CCDC112: variants seen among roughly 807,000 people sequenced by gnomAD.
CCDC112 encodes the protein coiled-coil domain containing 112, also known as coiled-coil domain-containing protein 112.
A neutral mutation model predicts 66.3 loss-of-function variants in CCDC112; 40 were observed. The observed-to-expected ratio is 0.60, with a 90% confidence interval of 0.47 to 0.79. The LOEUF is 0.79. Ranked by LOEUF, CCDC112 falls within the 30% of genes least tolerant of loss-of-function variation. The pLI is 0.00. For synonymous variants in CCDC112, 214 were observed against 197.2 expected (o/e 1.09, Z -0.71); for missense variants, 659 against 603.8 (o/e 1.09, Z -0.96).
intron 2 of CCDC112, among the ~76,000 whole-genome samples, chr5:115,281,886 A>G (rs7734074): frequency 0.33 from 49,544 of 152,070 alleles, 8,503 homozygotes; most frequent in Middle Eastern, 0.53. Context: ...TGTGAGGAAA[A>G]CATGTCTTCT....
intron 8 of CCDC112, 45 bp from the exon 9 acceptor site, chr5:115,269,045 G>T (rs1748893166): frequency 9.1e-7 from 1 of 1,101,696 alleles, no homozygotes; most frequent in Non-Finnish European, 1.3e-6. Flanking sequence ...TACAAACTCA[G>T]TTTGTACTAG....
At chr5:115,270,875 A>AT (rs773732797) in intron 7 of CCDC112, among the ~76,000 whole-genome samples, 49 of 151,924 alleles carry the variant, frequency 3.2e-4, no homozygotes, top group Non-Finnish European at 6.6e-4. Flanking sequence ...GAAGGACCTC[A>AT]TTTTTCCTTC....
At chr5:115,284,084 A>G (rs907712364) in intron 2 of CCDC112, among the ~76,000 whole-genome samples, 4 of 152,044 alleles carry the variant, frequency 2.6e-5, no homozygotes, top group African/African-American at 9.7e-5. Context: ...CAAGGAATTG[A>G]GATCAATTAA....
At chr5:115,276,207 A>G in intron 4 of CCDC112, 138 bp from the exon 5 acceptor site, 1 of 612,486 alleles carries the variant, frequency 1.6e-6, no homozygotes, top group Non-Finnish European at 2.8e-6. Context: ...TGTGCTCAAA[A>G]GTGAATTTTT....
In CCDC112 at chr5:115,268,907, CAG is replaced by C. The variant is rs1213729390; in HGVS notation, c.1520_1521del (p.Ser507TrpfsTer9). 3.1e-6 allele frequency: 5 copies of C among 1,603,430 alleles called. No homozygotes were observed. The highest frequency in any genetic ancestry group is 4.3e-6 in the Non-Finnish European group (5 of 1,175,070). ...CTATGTGGGATATGTAGAAGTGGCCCAGAGCCTGTTGGTCCTATCTTTTTGGT... is the reference window on the plus strand; with the variant it reads ...CTATGTGGGATATGTAGAAGTGGCCCAGCCTGTTGGTCCTATCTTTTTGGT... ...ERTKKIGPTG[S>X]GPLLHIPHRA... is the part of the protein sequence containing the mutation. On this transcript the variant is annotated frameshift_variant, in exon 9 of 10. Transcript: ENST00000379611. LOFTEE classifies it high-confidence loss of function.
In CCDC112 at chr5:115,267,849, TATC is replaced by T; in HGVS notation, c.*24_*26del. ...GTATAACTTAGTATGTTAACATTCT[TATC>T]AACTGAGTAGCAATTTGATTATCTC... On this transcript the variant is annotated 3_prime_UTR_variant, in exon 10 of 10. Transcript: ENST00000379611. 1 of 1,583,652 alleles carries T rather than the reference TATC, an allele frequency of 6.3e-7. No individual in the cohort carries two copies. Among genetic ancestry groups the T allele is most frequent in the South Asian group, 1.1e-5 (1 of 90,446 alleles).
Position 115,296,467 on chromosome 5 carries a change from G to T in CCDC112, c.77C>A (p.Ala26Asp). Residue 26 changes from alanine (A) to aspartate (D), a missense_variant, in exon 1 of 10, where the codon GCC (alanine) becomes GAC (aspartate). Physicochemically the swap from Ala to Asp is moderately radical, Grantham distance 126. Coordinates refer to ENST00000379611, the MANE Select transcript of CCDC112 (RefSeq NM_001040440.3). ...CGTCGCTCCCACGCCGGTCCCGGTG[G>T]CCGCGCCCGCCCCTGCCACAGCCCC... ...VAGAVAGAGAATGTGVGATPA... is the reference protein window; with the variant it reads ...VAGAVAGAGADTGTGVGATPA... 6.4e-7 allele frequency: 1 copy of T among 1,550,834 alleles called. No homozygotes were observed.
At position 115,277,071 on chromosome 5, in the gene CCDC112, T is replaced by C. The variant is rs183051493; in HGVS notation, c.362-17A>G. 456 of 1,429,568 alleles carry C rather than the reference T, an allele frequency of 3.2e-4. No individual in the cohort carries two copies. The African/African-American group carries it at 6.0e-3, about 19-fold the overall frequency. 88.6% of individuals were successfully genotyped at this position (1,429,568 alleles called of 1,614,324 possible). A position where few individuals can be genotyped will look rare whatever the true frequency, so the allele number is the denominator to read the frequency against. Reference sequence around the variant, plus strand: ...TTTTTGCTCCTATAAGAAAGAAGTATGCACTTTAAAATAATTCTGTGACAA... The same window carrying C: ...TTTTTGCTCCTATAAGAAAGAAGTACGCACTTTAAAATAATTCTGTGACAA... On this transcript the variant is annotated splice_polypyrimidine_tract_variant and intron_variant, in intron 3 of 9. Transcript: ENST00000379611.
At chr5:115,268,712 T>C (rs1046290901) in intron 9 of CCDC112, among the ~76,000 whole-genome samples, 170 bp downstream of exon 9, 2 of 148,094 alleles carry the variant, frequency 1.4e-5, no homozygotes, top group Non-Finnish European at 3.0e-5. Context: ...AAATATGTTA[T>C]ATATTTATAT....
At position 115,268,898 on chromosome 5, in the gene CCDC112, G is replaced by T. The variant is rs143803253; in HGVS notation, c.1531C>A (p.Leu511Ile). The change falls in exon 9 of 10, where the codon CTA (leucine) becomes ATA (isoleucine). Residue 511 changes from leucine to isoleucine, a missense_variant. Transcript: ENST00000379611. ...KIGPTGSGPLLHIPHRAIPTW... is the reference protein window; with the variant it reads ...KIGPTGSGPLIHIPHRAIPTW... The stretch of plus-strand genomic sequence containing the variant: ...CTTTCTTACCTATGTGGGATATGTA[G>T]AAGTGGCCCAGAGCCTGTTGGTCCT... The T allele has an allele frequency of 6.3e-7, 1 of 1,594,008 alleles. No homozygotes were observed. The highest frequency in any genetic ancestry group is 2.3e-5 in the East Asian group (1 of 43,208).
intron 2 of CCDC112, chr5:115,280,503 T>C (rs538636654): frequency 1.3e-5 from 2 of 152,148 alleles, no homozygotes; most frequent in East Asian, 3.9e-4. Context: ...AAAAATAAAA[T>C]AAAACACTAC....
chr5:115,284,720 T>A, intron 2 of CCDC112, 67 bp downstream of exon 2: 2 of 1,309,412 alleles, frequency 1.5e-6, no homozygotes, highest in South Asian at 2.6e-5. Context: ...TAGAGTAGAA[T>A]TAATTTTTTA....
intron 2 of CCDC112, 104 bp from the exon 3 acceptor site, chr5:115,279,872 C>T: frequency 1.5e-6 from 1 of 655,836 alleles, no homozygotes; most frequent in South Asian, 2.3e-5. Flanking sequence ...TGGATTAATT[C>T]ATCTATGGAA....
intron 8 of CCDC112, 168 bp downstream of exon 8, chr5:115,269,535 T>C (rs1748910774): frequency 1.9e-6 from 1 of 535,708 alleles, no homozygotes; most frequent in Admixed American, 3.7e-5. Context: ...AAATAATGGT[T>C]GCTTAAATTG....
At chr5:115,287,016 T>A (rs1368508186) in intron 1 of CCDC112, among the ~76,000 whole-genome samples, 1 of 152,198 alleles carries the variant, frequency 6.6e-6, no homozygotes, top group Non-Finnish European at 1.5e-5. Context: ...GACTTGTAAA[T>A]ATATCCCCCC....
In CCDC112 at chr5:115,278,759, T is replaced by C. The variant is rs190119170; in HGVS notation, c.361+888A>G. ...CAAAGAATCACTTTTTAAAGTAGTGTAATCTTTTCTTTTAAAAAATAGTGC... is the reference window on the plus strand; with the variant it reads ...CAAAGAATCACTTTTTAAAGTAGTGCAATCTTTTCTTTTAAAAAATAGTGC... On this transcript the variant is annotated intron_variant, in intron 3 of 9. Transcript: ENST00000379611. 5.9e-5 allele frequency among the ~76,000 whole-genome samples: 9 copies of C among 152,284 alleles called. No individual in the cohort carries two copies. The East Asian group carries it at 1.7e-3, about 29-fold the overall frequency.
chr5:115,270,136 T>C (rs1193003300), intron 7 of CCDC112, among the ~76,000 whole-genome samples: 2 of 152,168 alleles, frequency 1.3e-5, no homozygotes, highest in African/African-American at 2.4e-5. Context: ...TTGTGGGTTT[T>C]ATTTTTTTCT....
chr5:115,287,053 T>C (rs1365178403), intron 1 of CCDC112, among the ~76,000 whole-genome samples: 1 of 152,208 alleles, frequency 6.6e-6, no homozygotes, highest in Non-Finnish European at 1.5e-5. Flanking sequence ...TTTCACTTTC[T>C]TGATAATGCC....
chr5:115,271,561 C>T lies in CCDC112; in HGVS notation c.984G>A (p.Lys328=). 6.3e-7 allele frequency: 1 copy of T among 1,577,978 alleles called. No individual in the cohort carries two copies. Among genetic ancestry groups the T allele is most frequent in the Non-Finnish European group, 8.6e-7 (1 of 1,168,420 alleles). The change falls in exon 7 of 10, where the codon AAG becomes AAA. Residue 328 remains lysine, a synonymous_variant. Coordinates refer to ENST00000379611, the MANE Select transcript of CCDC112 (RefSeq NM_001040440.3). ...GAAAAAGCACAGGTGTGTTGTCTGCCTTTTCCTTTAACTTGAAAATTTCCT... is the reference window on the plus strand; with the variant it reads ...GAAAAAGCACAGGTGTGTTGTCTGCTTTTTCCTTTAACTTGAAAATTTCCT... The part of the protein sequence containing the change: ...KREEIFKLKE[K]ADNTPVLFHN...
Sources: allele counts gnomAD v4.1 joint callset (sites outside exome capture counted in the v4.1 genomes callset), GRCh38; gene constraint gnomAD v4.1.1; transcripts MANE v1.5; gene names NCBI Gene and HGNC (gene_info 2026-07-23, HGNC 2026-07-21).